The following CDC42SE2 variants were observed in gnomAD, a reference collection of about 807,000 sequenced individuals.
The protein encoded by CDC42SE2 is CDC42 small effector protein 2.
A neutral mutation model predicts 11.5 loss-of-function variants in CDC42SE2; 3 were observed. The ratio of observed to expected loss-of-function variants is 0.26; its 90% CI spans 0.12 to 0.67. The LOEUF is 0.67. Among genes scored for constraint, CDC42SE2 ranks in the 30% least tolerant of loss-of-function variants. CDC42SE2 has a pLI of 0.80. For synonymous variants in CDC42SE2, 33 were observed against 34.8 expected, an observed-to-expected ratio of 0.95 and a Z score of 0.18; for missense variants, 82 against 106.8, an observed-to-expected ratio of 0.77 and a Z score of 1.02.
upstream of CDC42SE2, among the ~76,000 whole-genome samples, chr5:131,243,572 C>T (rs942400143): frequency 1.3e-5 from 2 of 152,078 alleles, no homozygotes; most frequent in African/African-American, 2.4e-5. Flanking sequence ...GGTGACAGAG[C>T]GAGACTCCGT....
the CDC42SE2 span, among the ~76,000 whole-genome samples, chr5:131,238,888 C>A: frequency 6.6e-6 from 1 of 151,886 alleles, no homozygotes; most frequent in African/African-American, 2.4e-5. Flanking sequence ...TATTATTACA[C>A]CGGGCACGGC....
chr5:131,311,328 G>T (rs918268300), intron 1 of CDC42SE2, among the ~76,000 whole-genome samples: 1 of 152,000 alleles, frequency 6.6e-6, no homozygotes, highest in African/African-American at 2.4e-5. Context: ...AGTCTGATGG[G>T]CTTCCCTTTG....
intron 3 of CDC42SE2, among the ~76,000 whole-genome samples, chr5:131,373,697 C>T (rs577701567): frequency 6.6e-6 from 1 of 152,200 alleles, no homozygotes; most frequent in African/African-American, 2.4e-5. Flanking sequence ...ATAGATGATA[C>T]AGGCAATAGG....
Position 131,287,229 on chromosome 5 carries a change from A to G in CDC42SE2, c.-455+23063A>G, listed in dbSNP as rs569762091. Among the ~76,000 whole-genome samples the G allele has an allele frequency of 4.5e-4, 69 of 152,208 alleles. 1 individual carries two copies. The highest frequency in any genetic ancestry group is 8.8e-4 in the Non-Finnish European group (60 of 67,998). On this transcript the variant is annotated intron_variant, in intron 1 of 4. Transcript: ENST00000505065. ...ATGCTGGTCTCAAACTCCTGACCTCAGGTAATCCACCCGCCTTGGCCTCCC... is the reference window on the plus strand; with the variant it reads ...ATGCTGGTCTCAAACTCCTGACCTCGGGTAATCCACCCGCCTTGGCCTCCC...
Position 131,393,769 on chromosome 5 carries a change from C to T in CDC42SE2, c.*2678C>T, listed in dbSNP as rs377271406. Reference sequence around the variant, plus strand: ...CTCCTGGAACAATAGTACGGGAAGCCGTGATCCTTTTCCCTGACTCATGAT... The same window carrying T: ...CTCCTGGAACAATAGTACGGGAAGCTGTGATCCTTTTCCCTGACTCATGAT... On this transcript the variant is annotated 3_prime_UTR_variant, in exon 5 of 5. Transcript: ENST00000505065. 3 of 151,536 alleles carry T rather than the reference C, an allele frequency of 2.0e-5. No individual in the cohort carries two copies. The highest frequency in any genetic ancestry group is 3.8e-4 in the East Asian group (2 of 5,322). 9.4% of individuals were successfully genotyped at this position (151,536 alleles called of 1,614,324 possible). A position where few individuals can be genotyped will look rare whatever the true frequency, so the allele number is the denominator to read the frequency against.
intron 1 of CDC42SE2, among the ~76,000 whole-genome samples, chr5:131,281,149 G>A (rs1007755208): frequency 4.6e-5 from 7 of 152,166 alleles, no homozygotes; most frequent in East Asian, 1.9e-4. Context: ...AGAGTAGACC[G>A]CTGATGTCTT....
At chr5:131,269,602 A>G (rs536421250) in intron 1 of CDC42SE2, among the ~76,000 whole-genome samples, 2 of 151,776 alleles carry the variant, frequency 1.3e-5, no homozygotes, top group South Asian at 2.1e-4. Flanking sequence ...TGTCTTTACT[A>G]AAAATACAAA....
At chr5:131,303,461 C>G (rs1331527391) in intron 1 of CDC42SE2, among the ~76,000 whole-genome samples, 1 of 152,192 alleles carries the variant, frequency 6.6e-6, no homozygotes, top group African/African-American at 2.4e-5. Context: ...ACTGGAAGAC[C>G]TATGCCTTTG....
In CDC42SE2 at chr5:131,359,460, C is replaced by A. The variant is rs748627066; in HGVS notation, c.-34C>A. 3 of 1,577,884 alleles carry A rather than the reference C, an allele frequency of 1.9e-6. No individual in the cohort carries two copies. Among genetic ancestry groups the A allele is most frequent in the Non-Finnish European group, 2.6e-6 (3 of 1,147,206 alleles). ...AACTTCCCGAGTTGAGATTTGGAAC[C>A]TTCATTGGTGCTCATTTACTGTGGA... is the stretch of plus-strand genomic sequence containing the variant. On this transcript the variant is annotated 5_prime_UTR_variant, in exon 3 of 5. Transcript: ENST00000505065.
At chr5:131,295,520 T>C (rs949163457) in intron 1 of CDC42SE2, among the ~76,000 whole-genome samples, 1 of 152,150 alleles carries the variant, frequency 6.6e-6, no homozygotes, top group African/African-American at 2.4e-5. Context: ...GTTCAGAATG[T>C]GTAGAGTATG....
intron 1 of CDC42SE2, among the ~76,000 whole-genome samples, chr5:131,305,735 T>G (rs904390688): frequency 6.6e-6 from 1 of 152,250 alleles, no homozygotes; most frequent in Admixed American, 6.5e-5. Context: ...TTTCCTTTGC[T>G]GTGCAGAAGC....
At chr5:131,370,456 T>C (rs549977444) in intron 3 of CDC42SE2, among the ~76,000 whole-genome samples, 1 of 152,162 alleles carries the variant, frequency 6.6e-6, no homozygotes, top group South Asian at 2.1e-4. Flanking sequence ...TTTCATTCAG[T>C]GTGAATACTG....
chr5:131,336,945 C>T (rs577262127), intron 2 of CDC42SE2, among the ~76,000 whole-genome samples: 2 of 151,856 alleles, frequency 1.3e-5, no homozygotes, highest in South Asian at 2.1e-4. Flanking sequence ...GTAGTTTGAT[C>T]TTCTGAAGCC....
chr5:131,364,315 A>G (rs201792570), intron 3 of CDC42SE2, among the ~76,000 whole-genome samples: 1 of 152,210 alleles, frequency 6.6e-6, no homozygotes, highest in East Asian at 1.9e-4. Context: ...CACAAGTTTA[A>G]GGGAGTAAAA....
chr5:131,355,533 G>A (rs1749511502), intron 2 of CDC42SE2, among the ~76,000 whole-genome samples: 1 of 151,976 alleles, frequency 6.6e-6, no homozygotes, highest in Non-Finnish European at 1.5e-5. Flanking sequence ...AGAGAGGGAG[G>A]GAGGGAACAG....
intron 3 of CDC42SE2, among the ~76,000 whole-genome samples, chr5:131,369,635 G>T (rs1749960466): frequency 6.6e-6 from 1 of 152,128 alleles, no homozygotes; most frequent in African/African-American, 2.4e-5. Context: ...ACAGTTTTTT[G>T]AAGGTTAGCC....
rs549922852 is a variant in CDC42SE2, at chr5:131,312,417, G to C, written c.-454-3559G>C. On this transcript the variant is annotated intron_variant, in intron 1 of 4. Transcript: ENST00000505065. Reference sequence around the variant, plus strand: ...TGTTTGTCTGTGCCCTGCCCCAAGAGGTGGAGCCTACAGAGGCAGGCAGGC... The same window carrying C: ...TGTTTGTCTGTGCCCTGCCCCAAGACGTGGAGCCTACAGAGGCAGGCAGGC... Among the ~76,000 whole-genome samples the C allele has an allele frequency of 1.2e-4, 19 of 152,336 alleles. No individual in the cohort carries two copies. In the South Asian group the frequency reaches 2.9e-3, roughly 23 times the overall value.
intron 2 of CDC42SE2, among the ~76,000 whole-genome samples, chr5:131,321,962 T>C (rs1328921364): frequency 6.6e-6 from 1 of 152,204 alleles, no homozygotes; most frequent in Non-Finnish European, 1.5e-5. Context: ...GCCATTCTCC[T>C]ACCTCAGCCT....
intron 1 of CDC42SE2, among the ~76,000 whole-genome samples, chr5:131,296,040 T>C (rs1273312293): frequency 6.6e-6 from 1 of 152,206 alleles, no homozygotes; most frequent in Non-Finnish European, 1.5e-5. Flanking sequence ...GGTCAAAATA[T>C]GTACAATATA....
Sources: gnomAD v4.1 joint callset for allele counts (sites outside exome capture counted in the v4.1 genomes callset) on GRCh38, gnomAD v4.1.1 for gene constraint, MANE v1.5 for transcripts, NCBI Gene and HGNC (gene_info 2026-07-23, HGNC 2026-07-21) for gene names.